The following KIAA1328 variants were observed in gnomAD, a reference collection of about 807,000 sequenced individuals.
KIAA1328 encodes the protein KIAA1328, also known as protein hinderin.
Under a neutral mutation model 68.1 loss-of-function variants are expected in KIAA1328, and 52 were observed. The observed-to-expected ratio is 0.76, with a 90% CI of 0.61 to 0.96. The LOEUF is 0.96. KIAA1328 is among the 40% of genes least tolerant of loss of function. KIAA1328 has a pLI of 0.00. For synonymous variants in KIAA1328, 232 were observed against 239.4 expected (o/e 0.97, Z 0.28); for missense variants, 641 against 677.6 (o/e 0.95, Z 0.60).
chr18:37,175,368 A>T (rs1040495263), intron 9 of KIAA1328, among the ~76,000 whole-genome samples: 1 of 152,216 alleles, frequency 6.6e-6, no homozygotes, highest in Non-Finnish European at 1.5e-5. Context: ...TCAACATTGT[A>T]GAGTTTTACA....
At chr18:36,835,079 T>C in intron 2 of KIAA1328, among the ~76,000 whole-genome samples, 155 bp from the exon 3 acceptor site, 1 of 152,326 alleles carries the variant, frequency 6.6e-6, no homozygotes, top group Admixed American at 6.5e-5. Flanking sequence ...CTTTTTATGA[T>C]TCATATATTA....
chr18:36,978,090 A>G (rs1421668335), intron 6 of KIAA1328, among the ~76,000 whole-genome samples: 1 of 152,098 alleles, frequency 6.6e-6, no homozygotes, highest in African/African-American at 2.4e-5. Context: ...GCCAAGATTT[A>G]TTACTATGAA....
At chr18:37,152,454 C>T (rs555744015) in intron 7 of KIAA1328, among the ~76,000 whole-genome samples, 1 of 152,222 alleles carries the variant, frequency 6.6e-6, no homozygotes, top group Non-Finnish European at 1.5e-5. Flanking sequence ...AGAAGGCGAG[C>T]AGGGTACCTT....
At chr18:37,202,520 C>G (rs771470839) in intron 9 of KIAA1328, among the ~76,000 whole-genome samples, 2 of 152,118 alleles carry the variant, frequency 1.3e-5, no homozygotes, top group Non-Finnish European at 2.9e-5. Flanking sequence ...TGGACTGTAG[C>G]TAACTGTAAA....
At chr18:37,214,396 T>C (rs887166621) in intron 9 of KIAA1328, among the ~76,000 whole-genome samples, 13 of 152,238 alleles carry the variant, frequency 8.5e-5, no homozygotes, top group African/African-American at 2.9e-4. Flanking sequence ...GCACCATTTA[T>C]TAAATAGGGA....
chr18:36,971,900 A>G (rs1244258382), intron 6 of KIAA1328, among the ~76,000 whole-genome samples: 2 of 152,010 alleles, frequency 1.3e-5, no homozygotes, highest in African/African-American at 2.4e-5. Context: ...AAAGATAACT[A>G]TGGGTACTGT....
At chr18:37,034,121 T>A (rs150878358) in intron 6 of KIAA1328, among the ~76,000 whole-genome samples, 53 of 152,194 alleles carry the variant, frequency 3.5e-4, no homozygotes, top group Admixed American at 3.5e-3. Flanking sequence ...ACAAATTTAG[T>A]GTTAGTCTTA....
intron 6 of KIAA1328, among the ~76,000 whole-genome samples, chr18:36,999,791 G>A (rs322638): frequency 6.6e-6 from 1 of 151,886 alleles, no homozygotes; most frequent in South Asian, 2.1e-4. Context: ...AGTGACAGAC[G>A]AACATTTATC....
At chr18:37,063,533 C>A in intron 6 of KIAA1328, 2 of 530,024 alleles carry the variant, frequency 3.8e-6, no homozygotes, top group Non-Finnish European at 4.8e-6. Context: ...CCTCCCTACA[C>A]TCAAGGAAAG....
intron 7 of KIAA1328, among the ~76,000 whole-genome samples, chr18:37,110,522 G>A (rs939227358): frequency 1.3e-5 from 2 of 152,136 alleles, no homozygotes; most frequent in Non-Finnish European, 2.9e-5. Context: ...GCCATAAAAG[G>A]TTTTTATTTT....
At chr18:37,133,288 C>T (rs1348602391) in intron 7 of KIAA1328, among the ~76,000 whole-genome samples, 2 of 149,528 alleles carry the variant, frequency 1.3e-5, no homozygotes, top group Non-Finnish European at 3.0e-5. Flanking sequence ...GTGGAGGTCA[C>T]GCCATTGTAC....
At chr18:36,894,823 C>T (rs2048818039) in intron 5 of KIAA1328, among the ~76,000 whole-genome samples, 2 of 152,130 alleles carry the variant, frequency 1.3e-5, no homozygotes, top group African/African-American at 4.8e-5. Context: ...CTGTGTCTGG[C>T]TTTAAGTTCT....
intron 4 of KIAA1328, among the ~76,000 whole-genome samples, chr18:36,857,229 A>G (rs1413151687): frequency 6.6e-6 from 1 of 152,190 alleles, no homozygotes; most frequent in East Asian, 1.9e-4. Flanking sequence ...AGCCACTCGA[A>G]GCCCTTATTT....
Position 37,071,057 on chromosome 18 carries a change from CTTTT to C in KIAA1328, c.1232+3536_1232+3539del, listed in dbSNP as rs58722044. 5.3e-3 allele frequency among the ~76,000 whole-genome samples: 461 copies of C among 86,762 alleles called. 11 individuals are homozygous for C. The highest frequency in any genetic ancestry group is 0.019 in the African/African-American group (418 of 21,778). The allele number at this position is 86,762 out of a possible 152,430, so 56.9% of individuals were successfully genotyped here. On this transcript the variant is annotated intron_variant, in intron 7 of 9. Transcript: ENST00000280020. ...TTTTTTGTTTTTGATTTTTTTCTTC[CTTTT>C]TTTTTTTTTTTTTTTTTTTTTTTGG...
chr18:37,142,540 C>T (rs323327), intron 7 of KIAA1328, among the ~76,000 whole-genome samples: 61,458 of 151,858 alleles, frequency 0.4, 14,288 homozygotes, highest in African/African-American at 0.64. Context: ...GCACTATTTG[C>T]TGAAAAAAAC....
intron 9 of KIAA1328, among the ~76,000 whole-genome samples, chr18:37,198,255 T>G (rs1351606039): frequency 6.6e-6 from 1 of 152,110 alleles, no homozygotes; most frequent in Non-Finnish European, 1.5e-5. Context: ...AAAATTAGAT[T>G]ATGGTGATAG....
chr18:37,084,298 T>A, intron 7 of KIAA1328: 1 of 854,450 alleles, frequency 1.2e-6, no homozygotes, highest in Non-Finnish European at 1.7e-6. Context: ...ACGTTTGGTA[T>A]ACTTTTATAG....
chr18:37,013,792 T>A (rs2054057793), intron 6 of KIAA1328, among the ~76,000 whole-genome samples: 1 of 152,190 alleles, frequency 6.6e-6, no homozygotes, highest in Non-Finnish European at 1.5e-5. Flanking sequence ...TATGAATAGC[T>A]CTGTGATGAA....
At chr18:37,169,260 G>A (rs937740046) in intron 8 of KIAA1328, among the ~76,000 whole-genome samples, 6 of 151,664 alleles carry the variant, frequency 4.0e-5, no homozygotes, top group African/African-American at 1.5e-4. Context: ...CTGCCTCCTG[G>A]GTTCAAGCAA....
Sources: allele counts gnomAD v4.1 joint callset (sites outside exome capture counted in the v4.1 genomes callset), GRCh38; gene constraint gnomAD v4.1.1; transcripts MANE v1.5; gene names NCBI Gene and HGNC (gene_info 2026-07-23, HGNC 2026-07-21).